EFCAB12: variants seen among roughly 807,000 people sequenced by gnomAD.
EFCAB12 encodes EF-hand calcium binding domain 12, also known as EF-hand calcium-binding domain-containing protein 12.
EFCAB12 carries 43 observed loss-of-function variants against 53.6 expected under a neutral mutation model. The observed-to-expected ratio is 0.80, with a 90% CI of 0.63 to 1.03. EFCAB12 has a LOEUF of 1.03. Ranked by LOEUF, EFCAB12 falls within the 50% of genes least tolerant of loss-of-function variation. The pLI, the probability that EFCAB12 is intolerant of heterozygous loss-of-function variation, is 0.00. For missense variants in EFCAB12, 646 were observed against 730.6 expected, an observed-to-expected ratio of 0.88 and a Z score of 1.34; for synonymous variants, 269 against 289.2, an observed-to-expected ratio of 0.93 and a Z score of 0.71.
intron 6 of EFCAB12, among the ~76,000 whole-genome samples, chr3:129,406,819 A>AG (rs202102080): frequency 8.6e-5 from 13 of 150,378 alleles, no homozygotes; most frequent in Admixed American, 2.6e-4. Flanking sequence ...TGACCGTTGG[A>AG]GGGGGGAGAT....
chr3:129,423,623 T>A (rs1292264645), intron 1 of EFCAB12, among the ~76,000 whole-genome samples: 2 of 151,994 alleles, frequency 1.3e-5, no homozygotes, highest in Non-Finnish European at 2.9e-5. Context: ...AGACCCTTTT[T>A]CAAAAAAATT....
In EFCAB12 at chr3:129,408,817, C is replaced by CA. The variant is rs772344680; in HGVS notation, c.1076dup (p.Val360GlyfsTer9). The CA allele has an allele frequency of 2.1e-5, 33 of 1,576,886 alleles. No individual in the cohort carries two copies. In the African/African-American group the frequency reaches 4.3e-4, roughly 21 times the overall value. On this transcript the variant is annotated frameshift_variant, in exon 6 of 9. Coordinates refer to ENST00000505956, the MANE Select transcript of EFCAB12 (RefSeq NM_207307.3). LOFTEE classifies it high-confidence loss of function. The stretch of plus-strand genomic sequence containing the variant: ...CAAAGTGCCGATTCCCACAGCGCAC[C>CA]AGGTGACATTGCTCCGTGTACTGGA...
chr3:129,417,811 A>T (rs1436962117), intron 3 of EFCAB12, among the ~76,000 whole-genome samples: 1 of 152,164 alleles, frequency 6.6e-6, no homozygotes, highest in East Asian at 1.9e-4. Context: ...GCTCGTTAGA[A>T]ATACAGCATC....
At chr3:129,417,685 T>G (rs765306261) in intron 3 of EFCAB12, among the ~76,000 whole-genome samples, 2 of 152,214 alleles carry the variant, frequency 1.3e-5, no homozygotes, top group Non-Finnish European at 2.9e-5. Flanking sequence ...ACTCAAAATA[T>G]GTGGCTGGTG....
At chr3:129,410,815 TA>T (rs2072027347) in intron 5 of EFCAB12, among the ~76,000 whole-genome samples, 1 of 152,180 alleles carries the variant, frequency 6.6e-6, no homozygotes, top group Non-Finnish European at 1.5e-5. Context: ...ACTTGCCATG[TA>T]TTTCTGGAGA....
intron 5 of EFCAB12, 100 bp from the exon 6 acceptor site, chr3:129,408,958 G>A (rs1055968237): frequency 2.6e-5 from 36 of 1,375,366 alleles, no homozygotes; most frequent in South Asian, 2.5e-4. Flanking sequence ...TCTCCCCTGC[G>A]AGGTCCCCAT....
chr3:129,408,823 A>G lies in EFCAB12; in HGVS notation c.1071T>C (p.Cys357=). 1 of 1,576,204 alleles carries G rather than the reference A, an allele frequency of 6.3e-7. No individual in the cohort carries two copies. The highest frequency in any genetic ancestry group is 2.3e-5 in the East Asian group (1 of 42,642). ...GCCGATTCCCACAGCGCACCAGGTG[A>G]CATTGCTCCGTGTACTGGATGGAGG... ...TIPSIQYTEQ[C]HLVRCGNRHF... is the part of the protein sequence containing the mutation. The change falls in exon 6 of 9, where the codon TGT becomes TGC. Residue 357 remains cysteine, a synonymous_variant. Transcript: ENST00000505956.
rs1210832522 is a variant in EFCAB12 at position 129,421,815 on chromosome 3, A to G, written c.50-12T>C. 1 of 1,593,228 alleles carries G rather than the reference A, an allele frequency of 6.3e-7. No homozygotes were observed. Among genetic ancestry groups the G allele is most frequent in the Non-Finnish European group, 8.6e-7 (1 of 1,167,310 alleles). On this transcript the variant is annotated splice_polypyrimidine_tract_variant and intron_variant, in intron 1 of 8. Coordinates refer to ENST00000505956, the MANE Select transcript of EFCAB12 (RefSeq NM_207307.3). Reference sequence around the variant, plus strand: ...AGACGGGCAGAGTCCTTGGGGTAAGAGAGTTAAAAGATGAGTTTCTCTCTG... The same window carrying G: ...AGACGGGCAGAGTCCTTGGGGTAAGGGAGTTAAAAGATGAGTTTCTCTCTG...
At chr3:129,404,171 C>T in intron 7 of EFCAB12, 79 bp downstream of exon 7, 3 of 1,529,644 alleles carry the variant, frequency 2.0e-6, no homozygotes, top group Non-Finnish European at 2.6e-6. Flanking sequence ...CCAGGTACTC[C>T]AGCCTCCAGC....
intron 8 of EFCAB12, among the ~76,000 whole-genome samples, chr3:129,402,237 C>T (rs569009392): frequency 4.6e-5 from 7 of 152,306 alleles, no homozygotes; most frequent in African/African-American, 7.2e-5. Flanking sequence ...CGTAGATGTG[C>T]GACTCTGAGC....
chr3:129,421,486 T>G lies in EFCAB12; in HGVS notation c.367A>C (p.Lys123Gln). 6.2e-7 allele frequency: 1 copy of G among 1,613,984 alleles called. No individual in the cohort carries two copies. The highest frequency in any genetic ancestry group is 8.5e-7 in the Non-Finnish European group (1 of 1,179,894). Residue 123 changes from lysine to glutamine, a missense_variant, in exon 2 of 9, where the codon AAG becomes CAG. Coordinates refer to ENST00000505956, the MANE Select transcript of EFCAB12 (RefSeq NM_207307.3). Reference protein sequence around the residue: ...RQELESFGDVKRWLENKPSIT... With the variant: ...RQELESFGDVQRWLENKPSIT... ...CTGGGCTTGTTCTCCAGCCACCTCT[T>G]TACATCACCAAAGGACTCTAGCTCC...
At chr3:129,415,561 T>C (rs1440500399) in intron 3 of EFCAB12, among the ~76,000 whole-genome samples, 160 bp from the exon 4 acceptor site, 1 of 152,194 alleles carries the variant, frequency 6.6e-6, no homozygotes, top group Non-Finnish European at 1.5e-5. Flanking sequence ...CTCAGAGCCC[T>C]TTCCCGGTCC....
At chr3:129,406,120 C>T (rs1370873377) in intron 6 of EFCAB12, among the ~76,000 whole-genome samples, 1 of 151,968 alleles carries the variant, frequency 6.6e-6, no homozygotes, top group Non-Finnish European at 1.5e-5. Context: ...AGACCTAACC[C>T]AGAGGAGCAG....
intron 1 of EFCAB12, 35 bp downstream of exon 1, chr3:129,428,405 A>T (rs935398326): frequency 6.3e-7 from 1 of 1,587,516 alleles, no homozygotes; most frequent in African/African-American, 1.3e-5. Flanking sequence ...TAGGGCGCTG[A>T]GCGCTCCCTG....
intron 3 of EFCAB12, among the ~76,000 whole-genome samples, chr3:129,416,418 AAAACAAAC>A (rs139810830): frequency 1.2e-4 from 18 of 151,438 alleles, no homozygotes; most frequent in South Asian, 6.3e-4. Flanking sequence ...GCTCCGTCTC[AAAACAAAC>A]AAACAAACAA....
chr3:129,426,198 T>C (rs1314524778), intron 1 of EFCAB12, among the ~76,000 whole-genome samples: 1 of 152,092 alleles, frequency 6.6e-6, no homozygotes, highest in African/African-American at 2.4e-5. Flanking sequence ...ACCCAGGGTC[T>C]CTTCTCTTTT....
chr3:129,403,964 C>T (rs969336243), intron 7 of EFCAB12: 1 of 274,440 alleles, frequency 3.6e-6, no homozygotes, highest in Non-Finnish European at 6.9e-6. Flanking sequence ...TCTAAGGAGG[C>T]TCTCCTTTTC....
At position 129,401,399 on chromosome 3, in the gene EFCAB12, C is replaced by T. The variant is rs1413854958; in HGVS notation, c.*194G>A. The stretch of plus-strand genomic sequence containing the variant: ...AGGGAAATAGTCAAAAACTGCACGT[C>T]ATTCCTTGGACACATCTACCCTCTG... On this transcript the variant is annotated 3_prime_UTR_variant, in exon 9 of 9. Transcript: ENST00000505956. The T allele has an allele frequency of 3.0e-6, 2 of 664,492 alleles. No homozygotes were observed. The highest frequency in any genetic ancestry group is 4.6e-6 in the Non-Finnish European group (2 of 432,732). 41.2% of individuals were successfully genotyped at this position (664,492 alleles called of 1,614,324 possible).
chr3:129,420,482 A>G (rs1328916038), intron 2 of EFCAB12, among the ~76,000 whole-genome samples: 2 of 152,194 alleles, frequency 1.3e-5, no homozygotes, highest in African/African-American at 4.8e-5. Context: ...CTATCACTAT[A>G]TGTTTGGATA....
Sources: allele counts gnomAD v4.1 joint callset (sites outside exome capture counted in the v4.1 genomes callset), GRCh38; gene constraint gnomAD v4.1.1; transcripts MANE v1.5; gene names NCBI Gene and HGNC (gene_info 2026-07-23, HGNC 2026-07-21).